Variants in ADCK1 observed in about 807,000 individuals in gnomAD.
ADCK1 encodes the protein aarF domain-containing protein kinase 1.
A neutral mutation model predicts 52.3 loss-of-function variants in ADCK1; 41 were observed. The observed-to-expected ratio is 0.78, with a 90% CI of 0.61 to 1.02. The LOEUF (loss-of-function observed/expected upper bound fraction) is 1.02, where lower values mean the gene tolerates loss of function less well. ADCK1 is among the 50% of genes least tolerant of loss of function. ADCK1 has a pLI of 0.00. For missense variants in ADCK1, 658 were observed against 679.5 expected (o/e 0.97, Z 0.35); for synonymous variants, 250 against 274.6 (o/e 0.91, Z 0.89).
intron 9 of ADCK1, among the ~76,000 whole-genome samples, chr14:77,929,106 G>C (rs1322201595): frequency 6.6e-6 from 1 of 152,212 alleles, no homozygotes; most frequent in East Asian, 1.9e-4. Context: ...AGATCATAAA[G>C]TTAGCTACTC....
At chr14:77,827,627 A>C (rs2081744365) in intron 3 of ADCK1, among the ~76,000 whole-genome samples, 1 of 151,660 alleles carries the variant, frequency 6.6e-6, no homozygotes, top group African/African-American at 2.4e-5. Flanking sequence ...TTTTAAGCAT[A>C]AATGGAGTTT....
chr14:77,828,472 A>G (rs1260967483), intron 3 of ADCK1, among the ~76,000 whole-genome samples: 1 of 152,130 alleles, frequency 6.6e-6, no homozygotes, highest in Non-Finnish European at 1.5e-5. Flanking sequence ...CATTTCTTCT[A>G]TACATTTATT....
intron 3 of ADCK1, among the ~76,000 whole-genome samples, chr14:77,852,688 T>A (rs184386621): frequency 1.5e-4 from 17 of 115,788 alleles, no homozygotes; most frequent in South Asian, 5.4e-4. Flanking sequence ...TATATATATA[T>A]ATATATATAT....
At chr14:77,802,349 A>T (rs558072291) in intron 1 of ADCK1, among the ~76,000 whole-genome samples, 1 of 151,738 alleles carries the variant, frequency 6.6e-6, no homozygotes, top group African/African-American at 2.4e-5. Context: ...ATTCTCCCTC[A>T]GTCTGCCTTT....
chr14:77,864,599 A>G (rs2082622852), intron 4 of ADCK1, among the ~76,000 whole-genome samples: 1 of 151,858 alleles, frequency 6.6e-6, no homozygotes, highest in South Asian at 2.1e-4. Flanking sequence ...TGTGTAACTC[A>G]GGGCTCTCTA....
chr14:77,844,678 G>A (rs1422361757), intron 3 of ADCK1, among the ~76,000 whole-genome samples: 1 of 152,206 alleles, frequency 6.6e-6, no homozygotes, highest in African/African-American at 2.4e-5. Flanking sequence ...TGGTGTGACA[G>A]ACTGTCCATC....
At chr14:77,917,996 C>G (rs565256469) in intron 7 of ADCK1, among the ~76,000 whole-genome samples, 3 of 152,126 alleles carry the variant, frequency 2.0e-5, no homozygotes, top group Admixed American at 6.5e-5. Context: ...ACCAAGTGAC[C>G]GAACTTTCTA....
At chr14:77,910,217 A>G (rs567971264) in intron 7 of ADCK1, among the ~76,000 whole-genome samples, 1 of 152,126 alleles carries the variant, frequency 6.6e-6, no homozygotes, top group African/African-American at 2.4e-5. Flanking sequence ...TGAGCTGCCT[A>G]TTGGACTTTT....
At chr14:77,924,674 G>T in intron 8 of ADCK1, 68 bp downstream of exon 8, 1 of 1,582,936 alleles carries the variant, frequency 6.3e-7, no homozygotes, top group Non-Finnish European at 8.6e-7. Flanking sequence ...ACTCTAATTA[G>T]CTGCAGAACC....
intron 4 of ADCK1, among the ~76,000 whole-genome samples, chr14:77,864,326 G>T (rs940086813): frequency 1.3e-5 from 2 of 152,200 alleles, no homozygotes; most frequent in African/African-American, 4.8e-5. Flanking sequence ...AAGAGATAAA[G>T]AAGCCTTTCC....
In ADCK1 at chr14:77,822,513, T is replaced by C. The variant is rs955964311; in HGVS notation, c.214T>C (p.Ser72Pro). Residue 72 changes from serine to proline, a missense_variant, in exon 3 of 11, where the codon TCT becomes CCT. Physicochemically the swap from Ser to Pro is moderately conservative, Grantham distance 74 (BLOSUM62 -1). Transcript: ENST00000238561. ...YGSEEYLQLR[S>P]KVHLRSARRL... ...CTCAGAGGAGTACTTGCAGCTGAGA[T>C]CTAAGGTAAGTAACCCATGGGACCC... is the stretch of plus-strand genomic sequence containing the variant. The C allele has an allele frequency of 2.5e-6, 4 of 1,613,204 alleles. No homozygotes were observed. The highest frequency in any genetic ancestry group is 3.4e-6 in the Non-Finnish European group (4 of 1,179,332).
chr14:77,882,594 C>A (rs573811348), intron 4 of ADCK1, among the ~76,000 whole-genome samples: 1 of 152,354 alleles, frequency 6.6e-6, no homozygotes, highest in East Asian at 1.9e-4. Flanking sequence ...GGAGCCCCTT[C>A]CCTGAGGGCC....
At chr14:77,848,425 C>T (rs925571503) in intron 3 of ADCK1, among the ~76,000 whole-genome samples, 1 of 152,160 alleles carries the variant, frequency 6.6e-6, no homozygotes, top group South Asian at 2.1e-4. Flanking sequence ...TTACCTGGGT[C>T]AGGTGAGATA....
At chr14:77,865,850 C>G (rs918453405) in intron 4 of ADCK1, among the ~76,000 whole-genome samples, 5 of 152,230 alleles carry the variant, frequency 3.3e-5, no homozygotes, top group Non-Finnish European at 5.9e-5. Context: ...TGTGGAGCAT[C>G]TAGTGCAAGC....
chr14:77,865,177 A>C lies in ADCK1; in HGVS notation c.423+5898A>C, dbSNP rs140481282. Among the ~76,000 whole-genome samples the C allele has an allele frequency of 7.1e-3, 1,079 of 151,668 alleles. 14 individuals carry two copies. Among genetic ancestry groups the C allele is most frequent in the African/African-American group, 0.025 (1,038 of 41,264 alleles). ...AACAAACAAACAAACTGTAAATGTC[A>C]CCTAAAAATACCCTCACACAGCTGA... On this transcript the variant is annotated intron_variant, in intron 4 of 10. Coordinates refer to ENST00000238561, the MANE Select transcript of ADCK1 (RefSeq NM_020421.4).
At position 77,842,427 on chromosome 14, in the gene ADCK1, G is replaced by A. The variant is rs117438012; in HGVS notation, c.220-16649G>A. ...AGGTTAGAGTGAGGCCTTCTTCCCT[G>A]TATCTTTCAGGGTATTTTTTTTTCC... On this transcript the variant is annotated intron_variant, in intron 3 of 10. Transcript: ENST00000238561. Among the ~76,000 whole-genome samples, 279 of 136,100 alleles carry A rather than the reference G, an allele frequency of 2.0e-3. 4 individuals carry two copies. In the East Asian group the frequency reaches 0.046, roughly 23 times the overall value. 89.3% of individuals were successfully genotyped at this position (136,100 alleles called of 152,430 possible).
chr14:77,822,603 C>T (rs1013144262), intron 3 of ADCK1, 85 bp downstream of exon 3: 12 of 1,192,178 alleles, frequency 1.0e-5, no homozygotes, highest in East Asian at 9.4e-5. Context: ...TCCCACCTCA[C>T]CCCCGCAAAG....
chr14:77,828,830 T>TTCTTTTTTAAATCAGAGTTA (rs1387610933), intron 3 of ADCK1, among the ~76,000 whole-genome samples: 64 of 151,580 alleles, frequency 4.2e-4, no homozygotes, highest in Non-Finnish European at 7.0e-4. Context: ...CCCAGCCATT[T>TTCTTTTTTAAATCAGAGTTA]AATTATTTTT....
At chr14:77,914,769 A>G (rs900834595) in intron 7 of ADCK1, among the ~76,000 whole-genome samples, 1 of 152,192 alleles carries the variant, frequency 6.6e-6, no homozygotes, top group Non-Finnish European at 1.5e-5. Context: ...TGTAAAAACA[A>G]TGTTACTGTT....
Sources: allele counts gnomAD v4.1 joint callset (sites outside exome capture counted in the v4.1 genomes callset), GRCh38; gene constraint gnomAD v4.1.1; transcripts MANE v1.5; gene names NCBI Gene and HGNC (gene_info 2026-07-23, HGNC 2026-07-21).